The following ADAD2 variants were observed in gnomAD, a reference collection of about 807,000 sequenced individuals.
ADAD2 encodes adenosine deaminase domain containing 2.
ADAD2 carries 60 observed loss-of-function variants against 54.5 expected under a neutral mutation model. The ratio of observed to expected loss-of-function variants is 1.10; its 90% CI spans 0.89 to 1.36. ADAD2 has a LOEUF of 1.36. Among genes scored for constraint, ADAD2 ranks in the 40% most tolerant of loss-of-function variants. ADAD2 has a pLI of 0.00. For missense variants in ADAD2, 1,103 were observed against 801.3 expected (o/e 1.38, Z -4.54); for synonymous variants, 543 against 366.2 (o/e 1.48, Z -5.51).
At chr16:84,196,504 C>T in intron 8 of ADAD2, 134 bp downstream of exon 8, 1 of 1,541,960 alleles carries the variant, frequency 6.5e-7, no homozygotes, top group Non-Finnish European at 8.8e-7. Context: ...CTTCCTAGCT[C>T]CGTAGTGGTG....
At position 84,195,417 on chromosome 16, in the gene ADAD2, C is replaced by A. The variant is rs1310355002; in HGVS notation, c.855C>A (p.Gly285=). 6.2e-7 allele frequency: 1 copy of A among 1,609,556 alleles called. No individual in the cohort carries two copies. Among genetic ancestry groups the A allele is most frequent in the East Asian group, 2.2e-5 (1 of 44,830 alleles). The stretch of plus-strand genomic sequence containing the variant: ...GCCAGCAGCTCCACGACTGCCATGG[C>A]CTGGTCATCGCCCGCAGGGCCCTGC... ...FSGQQLHDCH[G]LVIARRALLR... Residue 285 remains glycine (G), a synonymous_variant, in exon 5 of 10, where the codon GGC becomes GGA. Coordinates refer to ENST00000315906, the MANE Select transcript of ADAD2 (RefSeq NM_001145400.2).
intron 2 of ADAD2, 143 bp from the exon 3 acceptor site, chr16:84,194,790 G>A: frequency 8.0e-7 from 1 of 1,257,354 alleles, no homozygotes; most frequent in Non-Finnish European, 1.1e-6. Flanking sequence ...GGGACACCGG[G>A]GGTAGGGACC....
chr16:84,191,354 G>T lies in ADAD2; in HGVS notation c.124G>T (p.Ala42Ser). Residue 42 changes from alanine (A) to serine (S), a missense_variant, in exon 1 of 10, where the codon GCC becomes TCC. By Grantham distance (99) the Ala-to-Ser change is moderately conservative. Transcript: ENST00000315906. The stretch of plus-strand genomic sequence containing the variant: ...ACCGCTACCCGCCCAGGCCCAAAGT[G>T]CCTGGGGGCCCGCGCCCGCGCCCGC... ...WRPLPAQAQS[A>S]WGPAPAPATY... The T allele has an allele frequency of 6.4e-7, 1 of 1,560,362 alleles. No homozygotes were observed.
At position 84,196,602 on chromosome 16, in the gene ADAD2, C is replaced by T. The variant is rs935084523; in HGVS notation, c.1527-45C>T. 4 of 1,599,408 alleles carry T rather than the reference C, an allele frequency of 2.5e-6. No individual in the cohort carries two copies. The African/African-American group carries it at 4.0e-5, about 16-fold the overall frequency. ...GAGGTGTGTAGCAGGCCTGCTGGTC[C>T]AGCTTGTATCTCTCTGATCTCAGTG... is the stretch of plus-strand genomic sequence containing the variant. On this transcript the variant is annotated intron_variant, in intron 8 of 9. Transcript: ENST00000315906.
At chr16:84,194,381 G>GGT (rs774220050) in intron 1 of ADAD2, 61 bp from the exon 2 acceptor site, 5 of 1,574,178 alleles carry the variant, frequency 3.2e-6, no homozygotes, top group African/African-American at 1.3e-5. Context: ...AGGAGGCAGA[G>GGT]GTGGTACCTG....
chr16:84,192,198 G>A (rs1189891526), intron 1 of ADAD2, among the ~76,000 whole-genome samples: 1 of 152,186 alleles, frequency 6.6e-6, no homozygotes, highest in African/African-American at 2.4e-5. Context: ...AGACTGGAAT[G>A]CGGTGGAACA....
chr16:84,192,393 G>A (rs571214757), intron 1 of ADAD2, among the ~76,000 whole-genome samples: 2 of 152,296 alleles, frequency 1.3e-5, no homozygotes, highest in East Asian at 3.9e-4. Context: ...CCAGCTATCT[G>A]ACCTCCTGGG....
Position 84,195,538 on chromosome 16 carries a change from TC to T in ADAD2, c.895del (p.Arg299GlyfsTer78), listed in dbSNP as rs763968287. The T allele has an allele frequency of 2.5e-6, 4 of 1,597,206 alleles. No individual in the cohort carries two copies. The South Asian group carries it at 4.5e-5, about 18-fold the overall frequency. On this transcript the variant is annotated frameshift_variant, in exon 6 of 10. Transcript: ENST00000315906. LOFTEE classifies it high-confidence loss of function. ...GTGCCTGTCGCTCCTAGGTTCTTGTTCCGGCAGCTCCTGCTGGCCACACAGG... is the reference window on the plus strand; with the variant it reads ...GTGCCTGTCGCTCCTAGGTTCTTGTTCGGCAGCTCCTGCTGGCCACACAGG... ...IARRALLRFLFRQLLLATQGG... is the reference protein window; with the variant it reads ...IARRALLRFLXRQLLLATQGG...
intron 1 of ADAD2, 187 bp from the exon 2 acceptor site, chr16:84,194,254 AG>A (rs765857702): frequency 2.6e-6 from 4 of 1,553,626 alleles, no homozygotes; most frequent in Non-Finnish European, 2.6e-6. Context: ...GATGGGTCAC[AG>A]CCTGCAGAGG....
chr16:84,196,871 C>G lies in ADAD2; in HGVS notation c.1649C>G (p.Ala550Gly). Reference sequence around the variant, plus strand: ...CCCACCTCTCATCTCCCGCCCTAGGCTGGGCCCTACCAGGAGGCTCGCAGG... The same window carrying G: ...CCCACCTCTCATCTCCCGCCCTAGGGTGGGCCCTACCAGGAGGCTCGCAGG... Reference protein sequence around the residue: ...LALKTYEAAKAGPYQEARRQL... With the variant: ...LALKTYEAAKGGPYQEARRQL... The change falls in exon 10 of 10, where the codon GCT (alanine) becomes GGT (glycine). Residue 550 changes from alanine to glycine, a missense_variant and splice_region_variant. Ala to Gly is a moderately conservative substitution (Grantham distance 60). Transcript: ENST00000315906. 6.3e-7 allele frequency: 1 copy of G among 1,593,502 alleles called. No individual in the cohort carries two copies. The highest frequency in any genetic ancestry group is 1.7e-4 in the Middle Eastern group (1 of 5,996).
At chr16:84,196,826 C>T (rs761792630) in intron 9 of ADAD2, 44 bp from the exon 10 acceptor site, 8 of 1,597,114 alleles carry the variant, frequency 5.0e-6, no homozygotes, top group South Asian at 1.1e-5. Flanking sequence ...TCCCTGCCCC[C>T]TGCAGGTACC....
At position 84,194,927 on chromosome 16, in the gene ADAD2, T is replaced by G. The variant is rs778537409; in HGVS notation, c.560-6T>G. On this transcript the variant is annotated splice_polypyrimidine_tract_variant and splice_region_variant and intron_variant, in intron 2 of 9. Coordinates refer to ENST00000315906, the MANE Select transcript of ADAD2 (RefSeq NM_001145400.2). The stretch of plus-strand genomic sequence containing the variant: ...CACACCAGCCCGCCCTCCTTGCCTC[T>G]TTCAGAGTCCCCCCAGACCTCCAGC... 1.2e-6 allele frequency: 2 copies of G among 1,604,888 alleles called. No homozygotes were observed. The highest frequency in any genetic ancestry group is 3.4e-5 in the Admixed American group (2 of 58,756).
Position 84,191,180 on chromosome 16 carries a change from GC to G in ADAD2, c.-50del. 5.1e-6 allele frequency: 8 copies of G among 1,574,106 alleles called. No individual in the cohort carries two copies. Among genetic ancestry groups the G allele is most frequent in the Non-Finnish European group, 6.9e-6 (8 of 1,156,916 alleles). On this transcript the variant is annotated 5_prime_UTR_variant, in exon 1 of 10. Coordinates refer to ENST00000315906, the MANE Select transcript of ADAD2 (RefSeq NM_001145400.2). Reference sequence around the variant, plus strand: ...GCACCCGCCCTGCGCGTGTGAAAGGGCGAGAGCAGCGCGAGATAGGGCCTAG... The same window carrying G: ...GCACCCGCCCTGCGCGTGTGAAAGGGGAGAGCAGCGCGAGATAGGGCCTAG...
Position 84,197,012 on chromosome 16 carries a change from T to A in ADAD2, c.*38T>A. The stretch of plus-strand genomic sequence containing the variant: ...CGGGACCGAGGTCCCGGAGCCAAGC[T>A]GTACCCCTGCTGGGGGAGTGCCCTA... On this transcript the variant is annotated 3_prime_UTR_variant, in exon 10 of 10. Coordinates refer to ENST00000315906, the MANE Select transcript of ADAD2 (RefSeq NM_001145400.2). 6.4e-7 allele frequency: 1 copy of A among 1,550,582 alleles called. No homozygotes were observed. Among genetic ancestry groups the A allele is most frequent in the Non-Finnish European group, 8.7e-7 (1 of 1,145,300 alleles).
At chr16:84,194,760 C>A in intron 2 of ADAD2, 173 bp from the exon 3 acceptor site, 1 of 1,299,518 alleles carries the variant, frequency 7.7e-7, no homozygotes. Flanking sequence ...ATGTGCCGGT[C>A]CCTGCTTTCA....
At position 84,191,292 on chromosome 16, in the gene ADAD2, C is replaced by T. The variant is rs1490410075; in HGVS notation, c.62C>T (p.Ala21Val). ...AGTCGTAGGAAGCCCCGCCTGGCTG[C>T]ATCGTTGCAGATCAGCCCCCAGCCC... is the stretch of plus-strand genomic sequence containing the variant. The part of the protein sequence containing the change: ...DGSRRKPRLA[A>V]SLQISPQPRP... The change falls in exon 1 of 10, where the codon GCA (alanine) becomes GTA (valine). Residue 21 changes from alanine to valine, a missense_variant. Transcript: ENST00000315906. The T allele has an allele frequency of 5.6e-6, 9 of 1,602,982 alleles. No homozygotes were observed. The East Asian group carries it at 1.1e-4, about 20-fold the overall frequency.
At chr16:84,194,887 G>A in intron 2 of ADAD2, 46 bp from the exon 3 acceptor site, 1 of 1,565,598 alleles carries the variant, frequency 6.4e-7, no homozygotes, top group Non-Finnish European at 8.6e-7. Flanking sequence ...GGGACGGAGG[G>A]TGGGCCTTGG....
In ADAD2 at chr16:84,197,054, G is replaced by C; in HGVS notation, c.*80G>C. ...AGTGCCCTATCTGAGGAGCGTTGTG[G>C]GGAGAACATGGGTTGTGCGGGGTGA... On this transcript the variant is annotated 3_prime_UTR_variant, in exon 10 of 10. Coordinates refer to ENST00000315906, the MANE Select transcript of ADAD2 (RefSeq NM_001145400.2). 7.2e-7 allele frequency: 1 copy of C among 1,395,594 alleles called. No individual in the cohort carries two copies. The highest frequency in any genetic ancestry group is 9.9e-7 in the Non-Finnish European group (1 of 1,014,288). 86.5% of individuals were successfully genotyped at this position (1,395,594 alleles called of 1,614,324 possible).
chr16:84,195,686 C>T lies in ADAD2; in HGVS notation c.1041C>T (p.Ala347=). 6.4e-7 allele frequency: 1 copy of T among 1,558,196 alleles called. No homozygotes were observed. Among genetic ancestry groups the T allele is most frequent in the Non-Finnish European group, 8.7e-7 (1 of 1,155,566 alleles). ...TCAGCAACACCCCCAAGGGCGCGGC[C>T]CGTGACATCTAGTATGCAGGGCCCC... The part of the protein sequence containing the change: ...LYISNTPKGA[A]RDIYLPPTSE... Residue 347 remains alanine (A), a synonymous_variant, in exon 6 of 10, where the codon GCC becomes GCT. Coordinates refer to ENST00000315906, the MANE Select transcript of ADAD2 (RefSeq NM_001145400.2).
Sources: allele counts gnomAD v4.1 joint callset (sites outside exome capture counted in the v4.1 genomes callset), GRCh38; gene constraint gnomAD v4.1.1; transcripts MANE v1.5; gene names NCBI Gene and HGNC (gene_info 2026-07-23, HGNC 2026-07-21).